CSMD1: variants seen among roughly 807,000 people sequenced by gnomAD.
CSMD1 encodes the protein CUB and sushi domain-containing protein 1.
CSMD1 carries 213 observed loss-of-function variants against 417.5 expected under a neutral mutation model. The observed-to-expected ratio is 0.51, with a 90% CI of 0.46 to 0.57. The LOEUF is 0.57. CSMD1 is among the 20% of genes least tolerant of loss of function. The pLI, the probability that CSMD1 is intolerant of heterozygous loss-of-function variation, is 0.00. For synonymous variants in CSMD1, 2,862 were observed against 1,736.8 expected, an observed-to-expected ratio of 1.65 and a Z score of -16.11; for missense variants, 6,923 against 4,529.7, an observed-to-expected ratio of 1.53 and a Z score of -15.17.
intron 7 of CSMD1, among the ~76,000 whole-genome samples, chr8:3,647,780 AAGAG>A (rs772606729): frequency 1.3e-5 from 2 of 152,138 alleles, no homozygotes; most frequent in Non-Finnish European, 2.9e-5. Flanking sequence ...GAGTGAGAGA[AAGAG>A]AGAGAGATAT....
chr8:3,705,917 T>C (rs1185596667), intron 7 of CSMD1, among the ~76,000 whole-genome samples: 1 of 152,202 alleles, frequency 6.6e-6, no homozygotes, highest in Non-Finnish European at 1.5e-5. Context: ...GAAATCCTCA[T>C]GTCAGCAATA....
intron 7 of CSMD1, among the ~76,000 whole-genome samples, chr8:3,628,385 A>C (rs1172956845): frequency 6.6e-6 from 1 of 152,230 alleles, no homozygotes; most frequent in East Asian, 1.9e-4. Context: ...ACCAGAGCAC[A>C]GGCCCGTAGT....
At chr8:3,029,539 A>G in intron 50 of CSMD1, 26 bp from the exon 51 acceptor site, 1 of 1,555,576 alleles carries the variant, frequency 6.4e-7, no homozygotes, top group Non-Finnish European at 8.7e-7. Context: ...ACATCACATC[A>G]TCATTTTTCT....
At chr8:3,615,526 C>T (rs142284390) in intron 8 of CSMD1, among the ~76,000 whole-genome samples, 14 of 152,232 alleles carry the variant, frequency 9.2e-5, no homozygotes, top group South Asian at 4.1e-4. Context: ...ATATCCATTC[C>T]GACACTATTT....
chr8:4,031,575 C>A (rs1797348283), intron 4 of CSMD1, among the ~76,000 whole-genome samples: 1 of 152,202 alleles, frequency 6.6e-6, no homozygotes, highest in African/African-American at 2.4e-5. Context: ...GAGGACAGAG[C>A]TAAATCATAT....
At position 3,730,299 on chromosome 8, in the gene CSMD1, C is replaced by T. The variant is rs78057630; in HGVS notation, c.932-21808G>A. On this transcript the variant is annotated intron_variant, in intron 6 of 69. Transcript: ENST00000635120. The stretch of plus-strand genomic sequence containing the variant: ...CTTGGATGCATCATCCCTGACTCAG[C>T]CATTCCTTCATGTAGATAAATGAAC... Among the ~76,000 whole-genome samples, 707 of 151,938 alleles carry T rather than the reference C, an allele frequency of 4.7e-3. 9 individuals carry two copies. The highest frequency in any genetic ancestry group is 0.016 in the African/African-American group (677 of 41,432).
chr8:3,330,610 G>C (rs372687938), intron 23 of CSMD1, among the ~76,000 whole-genome samples: 3 of 152,294 alleles, frequency 2.0e-5, no homozygotes, highest in African/African-American at 7.2e-5. Flanking sequence ...TGGAGGATGA[G>C]AAGAGGGAGA....
At chr8:3,401,062 T>C (rs1273798928) in intron 15 of CSMD1, among the ~76,000 whole-genome samples, 1 of 151,802 alleles carries the variant, frequency 6.6e-6, no homozygotes, top group African/African-American at 2.4e-5. Context: ...TGTAATTCAA[T>C]TCTTTTGTTT....
At chr8:3,040,292 A>C (rs962910371) in intron 50 of CSMD1, among the ~76,000 whole-genome samples, 3 of 151,752 alleles carry the variant, frequency 2.0e-5, no homozygotes, top group Non-Finnish European at 2.9e-5. Context: ...CTATTAAGTA[A>C]TATATAGCTT....
chr8:4,949,604 C>A (rs1186504881), intron 1 of CSMD1, among the ~76,000 whole-genome samples: 1 of 152,152 alleles, frequency 6.6e-6, no homozygotes, highest in Admixed American at 6.6e-5. Context: ...AATGCCCAGT[C>A]AATTGCCCTT....
chr8:3,190,980 G>A (rs1796385728), intron 33 of CSMD1, among the ~76,000 whole-genome samples: 1 of 152,164 alleles, frequency 6.6e-6, no homozygotes, highest in African/African-American at 2.4e-5. Flanking sequence ...CAGGAAAATG[G>A]GAAGCAACTG....
chr8:3,601,005 A>G (rs1364485559), intron 8 of CSMD1, among the ~76,000 whole-genome samples: 2 of 152,190 alleles, frequency 1.3e-5, no homozygotes, highest in South Asian at 2.1e-4. Flanking sequence ...ACTAATCTCT[A>G]TGTGCAAGAA....
rs2720803 is a variant in CSMD1 at position 3,723,168 on chromosome 8, A to C, written c.932-14677T>G. Among the ~76,000 whole-genome samples the C allele has an allele frequency of 4.4e-3, 675 of 152,192 alleles. 13 individuals are homozygous for C. In the East Asian group the frequency reaches 0.07, roughly 16 times the overall value. ...TGAGGTTCCCATCTTCTTGCTGGCT[A>C]ATGAAGGGGCCACTCGGGGCACTCA... On this transcript the variant is annotated intron_variant, in intron 6 of 69. Transcript: ENST00000635120.
chr8:4,905,237 C>G (rs1028505223), intron 1 of CSMD1, among the ~76,000 whole-genome samples: 3 of 152,114 alleles, frequency 2.0e-5, no homozygotes, highest in African/African-American at 7.2e-5. Flanking sequence ...TATCTCTCCT[C>G]CAAGTAACAC....
intron 1 of CSMD1, among the ~76,000 whole-genome samples, chr8:4,696,398 C>G (rs768542231): frequency 6.6e-6 from 1 of 152,148 alleles, no homozygotes; most frequent in East Asian, 1.9e-4. Context: ...AATTTTAACT[C>G]TTTATCACTG....
At chr8:4,723,863 G>C (rs940061476) in intron 1 of CSMD1, among the ~76,000 whole-genome samples, 1 of 150,552 alleles carries the variant, frequency 6.6e-6, no homozygotes, top group African/African-American at 2.5e-5. Context: ...TGTTCCCATT[G>C]CCTTCCCAAA....
intron 2 of CSMD1, among the ~76,000 whole-genome samples, chr8:4,528,179 T>C (rs891519024): frequency 1.3e-5 from 2 of 152,204 alleles, no homozygotes; most frequent in Non-Finnish European, 2.9e-5. Flanking sequence ...TTGACCTGTA[T>C]TCCTTGGTTC....
Position 3,367,324 on chromosome 8 carries a change from G to A in CSMD1, c.2900-77C>T, listed in dbSNP as rs113263768. ...GCGGCGGGGGCAGAGAGGGAGCGGG[G>A]CAGAGAGAGACAGAGACATAGAGAT... On this transcript the variant is annotated intron_variant, in intron 19 of 69. Transcript: ENST00000635120. 24 of 910,650 alleles carry A rather than the reference G, an allele frequency of 2.6e-5. 1 individual carries two copies. The highest frequency in any genetic ancestry group is 2.1e-4 in the African/African-American group (13 of 60,846). The allele number at this position is 910,650 out of a possible 1,614,324, so 56.4% of individuals were successfully genotyped here.
At chr8:4,218,021 A>C (rs1011784171) in intron 3 of CSMD1, among the ~76,000 whole-genome samples, 1 of 152,174 alleles carries the variant, frequency 6.6e-6, no homozygotes, top group Non-Finnish European at 1.5e-5. Flanking sequence ...AAGAAAACCT[A>C]TGCTTTACTG....
Sources: allele counts gnomAD v4.1 joint callset (sites outside exome capture counted in the v4.1 genomes callset), GRCh38; gene constraint gnomAD v4.1.1; transcripts MANE v1.5; gene names NCBI Gene and HGNC (gene_info 2026-07-23, HGNC 2026-07-21).